The following TRMT11 variants were observed in gnomAD, a reference collection of about 807,000 sequenced individuals.
The protein encoded by TRMT11 is tRNA (guanine(10)-N(2))-methyltransferase TRMT11.
Under a neutral mutation model 62.8 loss-of-function variants are expected in TRMT11, and 53 were observed. That is an observed-to-expected ratio of 0.84 (90% CI 0.68 to 1.06). The LOEUF is 1.06. Ranked by LOEUF, TRMT11 falls within the 50% of genes least tolerant of loss-of-function variation. The pLI is 0.00. For missense variants in TRMT11, 556 were observed against 553.4 expected, an observed-to-expected ratio of 1.00 and a Z score of -0.05; for synonymous variants, 188 against 190.3, an observed-to-expected ratio of 0.99 and a Z score of 0.10.
chr6:126,050,854 C>T (rs1367680866), intron 16 of TRMT11, among the ~76,000 whole-genome samples: 1 of 152,132 alleles, frequency 6.6e-6, no homozygotes, highest in Non-Finnish European at 1.5e-5. Flanking sequence ...ATTCATTCAA[C>T]AAATATTTTG....
At chr6:126,053,316 C>T (rs1776270465) in intron 17 of TRMT11, among the ~76,000 whole-genome samples, 2 of 152,204 alleles carry the variant, frequency 1.3e-5, no homozygotes, top group Admixed American at 1.3e-4. Flanking sequence ...GATGTTTTGA[C>T]ATCTGGGGCT....
At chr6:126,142,290 C>G (rs1235991260) in intron 21 of TRMT11, among the ~76,000 whole-genome samples, 1 of 152,024 alleles carries the variant, frequency 6.6e-6, no homozygotes. Context: ...GACCTTTCAG[C>G]CCAACAATTC....
At position 126,021,233 on chromosome 6, in the gene TRMT11, C is replaced by G. The variant is rs1439286481; in HGVS notation, c.1213C>G (p.His405Asp). 6 of 1,614,132 alleles carry G rather than the reference C, an allele frequency of 3.7e-6. No homozygotes were observed. Among genetic ancestry groups the G allele is most frequent in the Middle Eastern group, 3.3e-4 (2 of 6,050 alleles). ...CAACTGCGAGCAGAAGCTTTCCAGT[C>G]ACACATCAAGGCGCTTGATCACAAT... Reference protein sequence around the residue: ...VSNCEQKLSSHTSRRLITMEK... With the variant: ...VSNCEQKLSSDTSRRLITMEK... The change falls in exon 12 of 13, where the codon CAC becomes GAC. Residue 405 changes from histidine to aspartate, a missense_variant. Physicochemically the swap from His to Asp is moderately conservative, Grantham distance 81. Coordinates refer to ENST00000334379, the MANE Select transcript of TRMT11 (RefSeq NM_001031712.3).
intron 2 of TRMT11, among the ~76,000 whole-genome samples, chr6:125,994,652 G>T (rs577123341): frequency 6.6e-6 from 1 of 152,226 alleles, no homozygotes; most frequent in South Asian, 2.1e-4. Flanking sequence ...AAAGATACAT[G>T]CATGCATATG....
chr6:126,205,242 C>T (rs192316396), downstream of TRMT11, among the ~76,000 whole-genome samples: 22 of 152,280 alleles, frequency 1.4e-4, no homozygotes, highest in East Asian at 2.9e-3. Context: ...CAGTGGCTCA[C>T]GCCTGTAATC....
chr6:126,125,958 A>C (rs572832911), intron 21 of TRMT11, among the ~76,000 whole-genome samples: 2 of 152,140 alleles, frequency 1.3e-5, no homozygotes, highest in Non-Finnish European at 2.9e-5. Flanking sequence ...TCTTTCAAAA[A>C]ATCAAGATAC....
chr6:125,987,381 G>A (rs1789829976), intron 1 of TRMT11, among the ~76,000 whole-genome samples: 1 of 152,150 alleles, frequency 6.6e-6, no homozygotes, highest in African/African-American at 2.4e-5. Context: ...ATTACAAGGT[G>A]TTCATTATTA....
the TRMT11 span, among the ~76,000 whole-genome samples, chr6:126,219,223 AGTT>A: frequency 6.6e-6 from 1 of 151,514 alleles, no homozygotes; most frequent in African/African-American, 2.4e-5. Context: ...GTGTGTAGAT[AGTT>A]GTTAAGTTTG....
chr6:126,183,463 G>C (rs548990964), intron 1 of TRMT11, among the ~76,000 whole-genome samples: 1 of 152,126 alleles, frequency 6.6e-6, no homozygotes, highest in African/African-American at 2.4e-5. Context: ...GAAACAATTG[G>C]TAGGTCCCCA....
At chr6:126,075,662 A>G (rs181462948) in intron 17 of TRMT11, among the ~76,000 whole-genome samples, 2 of 152,210 alleles carry the variant, frequency 1.3e-5, no homozygotes, top group East Asian at 3.9e-4. Context: ...GTAGATCTTT[A>G]TAGTAATGTG....
At chr6:126,056,671 TAAGG>T (rs1776383538) in intron 17 of TRMT11, among the ~76,000 whole-genome samples, 1 of 152,176 alleles carries the variant, frequency 6.6e-6, no homozygotes, top group Non-Finnish European at 1.5e-5. Flanking sequence ...CAGACTGCTG[TAAGG>T]CTATTACTTC....
intron 17 of TRMT11, among the ~76,000 whole-genome samples, chr6:126,093,631 A>ATATTTTTTTTTTTTTTTTTTT (rs1554236842): frequency 1.0e-5 from 1 of 98,016 alleles, no homozygotes; most frequent in African/African-American, 4.4e-5. Flanking sequence ...ATATATATAT[A>ATATTTTTTTTTTTTTTTTTTT]TTTTCCCCCA....
intron 17 of TRMT11, among the ~76,000 whole-genome samples, chr6:126,093,624 T>TATATATATAG (rs1777305130): frequency 9.3e-6 from 1 of 107,488 alleles, no homozygotes; most frequent in Admixed American, 8.7e-5. Context: ...TATATATATA[T>TATATATATAG]ATATATATTT....
chr6:126,203,497 G>T (rs113167248), downstream of TRMT11, among the ~76,000 whole-genome samples: 5,812 of 152,228 alleles, frequency 0.038, 329 homozygotes, highest in African/African-American at 0.13. Context: ...AGCAGATTGA[G>T]TGCAATAAAT....
chr6:126,037,676 G>A (rs1166712210), intron 12 of TRMT11, among the ~76,000 whole-genome samples: 1 of 151,936 alleles, frequency 6.6e-6, no homozygotes. Flanking sequence ...AAACAAATGT[G>A]CCAACATTAT....
intron 21 of TRMT11, among the ~76,000 whole-genome samples, chr6:126,127,522 A>G (rs1042707082): frequency 5.9e-5 from 9 of 151,574 alleles, no homozygotes; most frequent in African/African-American, 2.2e-4. Context: ...TTTTTATTAT[A>G]CTTTAAGTTT....
intron 21 of TRMT11, among the ~76,000 whole-genome samples, chr6:126,126,384 G>A (rs1348608702): frequency 6.6e-6 from 1 of 152,088 alleles, no homozygotes; most frequent in East Asian, 1.9e-4. Context: ...GATAATGACT[G>A]GGTTGCAGAT....
intron 12 of TRMT11, among the ~76,000 whole-genome samples, chr6:126,026,053 T>G (rs558409039): frequency 2.0e-5 from 3 of 152,364 alleles, no homozygotes; most frequent in Non-Finnish European, 4.4e-5. Flanking sequence ...ATTTTGAAAT[T>G]GCCTGATAAG....
In TRMT11 at chr6:126,151,905, C is replaced by CTTTT. The variant is rs377099601; in HGVS notation, c.*1824-22919_*1824-22918insTTTT. Among the ~76,000 whole-genome samples, 27 of 80,358 alleles carry CTTTT rather than the reference C, an allele frequency of 3.4e-4. 2 individuals carry two copies. The highest frequency in any genetic ancestry group is 1.4e-3 in the African/African-American group (26 of 19,152). The allele number at this position is 80,358 out of a possible 152,430, so 52.7% of individuals were successfully genotyped here. The stretch of plus-strand genomic sequence containing the variant: ...CCTTCCTTGTCTTTTTCTTTCTTTT[C>CTTTT]TCTTTCTTTCTTTCTTTCTTTCTTT... On this transcript the variant is annotated intron_variant and NMD_transcript_variant, in intron 21 of 22. Coordinates refer to the TRMT11 transcript ENST00000648977.
Sources: gnomAD v4.1 joint callset for allele counts (sites outside exome capture counted in the v4.1 genomes callset) on GRCh38, gnomAD v4.1.1 for gene constraint, MANE v1.5 for transcripts, NCBI Gene and HGNC (gene_info 2026-07-23, HGNC 2026-07-21) for gene names.